The following RGS5 variants were observed in gnomAD, a reference collection of about 807,000 sequenced individuals.
The protein encoded by RGS5 is regulator of G-protein signalling 5.
In RGS5, 20 loss-of-function variants were observed where a neutral mutation model predicts 18.9. The ratio of observed to expected loss-of-function variants is 1.06; its 90% CI spans 0.74 to 1.54. The LOEUF is 1.54. RGS5 is among the 40% of genes most tolerant of loss of function. RGS5 has a pLI of 0.00. For synonymous variants in RGS5, 57 were observed against 76.2 expected (o/e 0.75, Z 1.31); for missense variants, 201 against 211.8 (o/e 0.95, Z 0.32).
chr1:163,233,395 T>C (rs767656207), intron 2 of RGS5, among the ~76,000 whole-genome samples: 142 of 152,252 alleles, frequency 9.3e-4, no homozygotes, highest in Non-Finnish European at 1.6e-3. Context: ...CATTAAACTT[T>C]CCCCAAATAG....
intron 2 of RGS5, chr1:163,267,403 C>T (rs1190690862): frequency 1.3e-5 from 2 of 152,074 alleles, no homozygotes; most frequent in African/African-American, 4.8e-5. Flanking sequence ...GTTATGGCAG[C>T]ACAAGCAGAT....
intron 1 of RGS5, among the ~76,000 whole-genome samples, chr1:163,309,105 T>C (rs1453925737): frequency 6.6e-6 from 1 of 152,142 alleles, no homozygotes; most frequent in African/African-American, 2.4e-5. Flanking sequence ...ATCCCAGCAC[T>C]TTGGGAGGCT....
chr1:163,212,988 T>C (rs1660139957), intron 1 of RGS5: 1 of 152,218 alleles, frequency 6.6e-6, no homozygotes, highest in Admixed American at 6.5e-5. Flanking sequence ...TACCACTTCC[T>C]AGACTTCAAT....
At chr1:163,217,634 TC>T (rs1660247560) in exon 1 of RGS5, 1 of 1,533,570 alleles carries the variant, frequency 6.5e-7, no homozygotes, top group East Asian at 2.5e-5. Flanking sequence ...GTCAGACACT[TC>T]TTTCCTGGGC....
At chr1:163,211,963 A>T (rs1660116507) in intron 1 of RGS5, 1 of 152,246 alleles carries the variant, frequency 6.6e-6, no homozygotes, top group Non-Finnish European at 1.5e-5. Flanking sequence ...TACAAATATT[A>T]TCCAATGTAG....
At chr1:163,186,419 G>A (rs1046676962) in intron 1 of RGS5, among the ~76,000 whole-genome samples, 14 of 151,718 alleles carry the variant, frequency 9.2e-5, no homozygotes, top group African/African-American at 3.1e-4. Context: ...TGTGAAAGAT[G>A]TGCTAATGGA....
chr1:163,262,151 CTTT>C (rs532698783), intron 2 of RGS5, among the ~76,000 whole-genome samples: 165 of 121,112 alleles, frequency 1.4e-3, no homozygotes, highest in Non-Finnish European at 1.6e-3. Context: ...AGTTTTGAAA[CTTT>C]TTTTTTTTTT....
chr1:163,154,503 A>C (rs1334222889), intron 3 of RGS5, among the ~76,000 whole-genome samples: 2 of 152,148 alleles, frequency 1.3e-5, no homozygotes, highest in Non-Finnish European at 2.9e-5. Flanking sequence ...GATTAACAAT[A>C]AAAATATATC....
chr1:163,156,321 CATA>C (rs1166601286), intron 3 of RGS5, among the ~76,000 whole-genome samples: 1 of 152,130 alleles, frequency 6.6e-6, no homozygotes, highest in African/African-American at 2.4e-5. Context: ...TGGTACCTGA[CATA>C]ATTATTATTA....
At chr1:163,264,000 A>G (rs12138760) in intron 2 of RGS5, among the ~76,000 whole-genome samples, 43,355 of 151,468 alleles carry the variant, frequency 0.29, 6,364 homozygotes, top group Non-Finnish European at 0.32. Context: ...AGCTGAGGGG[A>G]GTTTTGACTG....
At position 163,271,419 on chromosome 1, in the gene RGS5, G is replaced by C. The variant is rs573758972; in HGVS notation, c.-281+34814C>G. On this transcript the variant is annotated intron_variant, in intron 2 of 5. Transcript: ENST00000618415. The stretch of plus-strand genomic sequence containing the variant: ...AAAGAGAAAGAGACTCGGGCTCGCT[G>C]TCTCTGCCATGTAAGGATACTAGTT... Among the ~76,000 whole-genome samples, 3 of 152,234 alleles carry C rather than the reference G, an allele frequency of 2.0e-5. No individual in the cohort carries two copies. The East Asian group carries it at 5.8e-4, about 29-fold the overall frequency.
chr1:163,290,488 TTA>T (rs1649254615), intron 2 of RGS5, among the ~76,000 whole-genome samples: 1 of 152,166 alleles, frequency 6.6e-6, no homozygotes, highest in African/African-American at 2.4e-5. Context: ...CTCAGTGTGT[TTA>T]TAGAGAAGTT....
chr1:163,166,741 C>A (rs573917530), intron 2 of RGS5, among the ~76,000 whole-genome samples: 1 of 152,312 alleles, frequency 6.6e-6, no homozygotes, highest in South Asian at 2.1e-4. Context: ...AATAAATGGT[C>A]AGCCCCAGGG....
chr1:163,204,933 A>G (rs146346041), upstream of RGS5, among the ~76,000 whole-genome samples: 188 of 152,328 alleles, frequency 1.2e-3, no homozygotes, highest in African/African-American at 4.2e-3. Flanking sequence ...AAATCAAAGC[A>G]TGTTTCTGAC....
At chr1:163,239,679 G>A (rs1360040027) in intron 2 of RGS5, among the ~76,000 whole-genome samples, 1 of 152,020 alleles carries the variant, frequency 6.6e-6, no homozygotes, top group Non-Finnish European at 1.5e-5. Flanking sequence ...AAAGATAAAG[G>A]TCTTATTTTG....
At chr1:163,221,037 T>C (rs757776974), upstream of RGS5, among the ~76,000 whole-genome samples, 3 of 152,242 alleles carry the variant, frequency 2.0e-5, no homozygotes, top group Non-Finnish European at 2.9e-5. Flanking sequence ...TAATTTGTTA[T>C]AGCAATAGTA....
intron 2 of RGS5, among the ~76,000 whole-genome samples, chr1:163,249,597 C>T (rs10917706): frequency 0.2 from 29,860 of 152,192 alleles, 3,384 homozygotes; most frequent in Non-Finnish European, 0.25. Flanking sequence ...TGGAGACCAG[C>T]GTGGCCAGCA....
At chr1:163,270,554 C>T (rs12746513) in intron 2 of RGS5, among the ~76,000 whole-genome samples, 22,492 of 151,718 alleles carry the variant, frequency 0.15, 1,979 homozygotes, top group Non-Finnish European at 0.19. Flanking sequence ...AGAGTACACA[C>T]GGACCTTATA....
upstream of RGS5, chr1:163,217,707 C>G: frequency 7.3e-7 from 1 of 1,367,802 alleles, no homozygotes; most frequent in Non-Finnish European, 9.6e-7. Flanking sequence ...AACTTGGAAC[C>G]TTGATGACAT....
Sources: gnomAD v4.1 joint callset for allele counts (sites outside exome capture counted in the v4.1 genomes callset) on GRCh38, gnomAD v4.1.1 for gene constraint, MANE v1.5 for transcripts, NCBI Gene and HGNC (gene_info 2026-07-23, HGNC 2026-07-21) for gene names.